Variants in POU2F2 observed in about 807,000 individuals in gnomAD.
The protein encoded by POU2F2 is POU domain, class 2, transcription factor 2.
In POU2F2, 14 loss-of-function variants were observed where a neutral mutation model predicts 63.5. The ratio of observed to expected loss-of-function variants is 0.22; its 90% confidence interval spans 0.15 to 0.34. The LOEUF is 0.34. Among genes scored for constraint, POU2F2 ranks in the 10% least tolerant of loss-of-function variants. The pLI is 1.00. For synonymous variants in POU2F2, 306 were observed against 348.6 expected, an observed-to-expected ratio of 0.88 and a Z score of 1.36; for missense variants, 607 against 815.2, an observed-to-expected ratio of 0.74 and a Z score of 3.11.
At chr19:42,184,571 A>G (rs2034994672) in intron 1 of POU2F2, among the ~76,000 whole-genome samples, 1 of 152,260 alleles carries the variant, frequency 6.6e-6, no homozygotes, top group Non-Finnish European at 1.5e-5. Context: ...GTCCAGGCCC[A>G]GCATGCCCTT....
upstream of POU2F2, among the ~76,000 whole-genome samples, chr19:42,135,909 C>A (rs2034001256): frequency 6.6e-6 from 1 of 152,036 alleles, no homozygotes; most frequent in African/African-American, 2.4e-5. Flanking sequence ...CAGGGTTTCA[C>A]CACATTGGCC....
chr19:42,133,587 TCA>T (rs2033906961), upstream of POU2F2: 1 of 154,382 alleles, frequency 6.5e-6, no homozygotes, highest in East Asian at 1.9e-4. This position sits in a 1 kb window ranked among gnomAD's most constrained non-coding sequence, Gnocchi z 5.1. Context: ...GGACTCACCC[TCA>T]CACACACAAG....
At chr19:42,188,376 A>G (rs1455005753) in intron 1 of POU2F2, among the ~76,000 whole-genome samples, 1 of 151,786 alleles carries the variant, frequency 6.6e-6, no homozygotes, top group East Asian at 1.9e-4. Flanking sequence ...CAAAAAAAAA[A>G]AAAGAAAAAA....
rs1218350190 is a variant in POU2F2 at position 42,087,670 on chromosome 19, TAGG to T, written c.*3584_*3586del. The T allele has an allele frequency of 6.0e-5, 9 of 150,506 alleles. No homozygotes were observed. Among genetic ancestry groups the T allele is most frequent in the Non-Finnish European group, 1.2e-4 (8 of 67,700 alleles). The allele number at this position is 150,506 out of a possible 1,614,324, so 9.3% of individuals were successfully genotyped here. A position where few individuals can be genotyped will look rare whatever the true frequency, so the allele number is the denominator to read the frequency against. On this transcript the variant is annotated 3_prime_UTR_variant, in exon 15 of 15. Transcript: ENST00000692977. ...ACCCAGTCTCTGTCCCTCCCTTAAG[TAGG>T]AGGTCAGGGTTGGGGAGAAGAGAAA...
rs1412223805 is a variant in POU2F2 at position 42,095,008 on chromosome 19, C to T, written c.1197+278G>A. Reference sequence around the variant, plus strand: ...GTGTGTTCTAACCTGGACCACGTCCCTGGACATATATCCCTTCCTGTGTGG... The same window carrying T: ...GTGTGTTCTAACCTGGACCACGTCCTTGGACATATATCCCTTCCTGTGTGG... On this transcript the variant is annotated intron_variant, in intron 11 of 14. Transcript: ENST00000692977. This position sits in a 1 kb window ranked among gnomAD's most constrained non-coding sequence, Gnocchi z 7.1. Among the ~76,000 whole-genome samples the T allele has an allele frequency of 2.0e-5, 3 of 152,202 alleles. No individual in the cohort carries two copies. Among genetic ancestry groups the T allele is most frequent in the Non-Finnish European group, 4.4e-5 (3 of 68,032 alleles).
upstream of POU2F2, among the ~76,000 whole-genome samples, chr19:42,176,657 C>T (rs1568425237): frequency 6.9e-6 from 1 of 145,894 alleles, no homozygotes; most frequent in South Asian, 2.5e-4. Context: ...TCCATCCCTG[C>T]CCCCCGCCCC....
At chr19:42,103,834 C>T (rs1044037553) in intron 5 of POU2F2, among the ~76,000 whole-genome samples, 3 of 151,766 alleles carry the variant, frequency 2.0e-5, no homozygotes, top group Non-Finnish European at 2.9e-5. Context: ...GAGGTTTCAC[C>T]GTGTTAGCCA....
In POU2F2 at chr19:42,093,884, T is replaced by C; in HGVS notation, c.1209A>G (p.Gln403=). 6.2e-7 allele frequency: 1 copy of C among 1,611,482 alleles called. No homozygotes were observed. The highest frequency in any genetic ancestry group is 8.5e-7 in the Non-Finnish European group (1 of 1,178,078). ...ACAACGGTAAGGTCCCCGCGCCCCC[T>C]TGGGGTGTGACCTGAGGAGAGAAGA... ...ASYSPHMVTP[Q]GGAGTLPLSQ... is the part of the protein sequence containing the mutation. Residue 403 remains glutamine (Q), a synonymous_variant, in exon 12 of 15, where the codon CAA becomes CAG. Coordinates refer to ENST00000692977, the MANE Select transcript of POU2F2 (RefSeq NM_001394376.1).
Position 42,148,387 on chromosome 19 carries a change from A to G in POU2F2, c.-9+11945T>C, listed in dbSNP as rs754958095. On this transcript the variant is annotated intron_variant, in intron 2 of 6. Transcript: ENST00000524801. ...ATAAGCAAGCATATAGCATGTGGGTAAATACGTGGGTCTGTACACGCCTTT... is the reference window on the plus strand; with the variant it reads ...ATAAGCAAGCATATAGCATGTGGGTGAATACGTGGGTCTGTACACGCCTTT... Among the ~76,000 whole-genome samples, 6 of 152,250 alleles carry G rather than the reference A, an allele frequency of 3.9e-5. No homozygotes were observed. In the East Asian group the frequency reaches 7.7e-4, roughly 20 times the overall value.
chr19:42,099,463 T>G, intron 7 of POU2F2, 64 bp downstream of exon 7: 1 of 1,431,812 alleles, frequency 7.0e-7, no homozygotes, highest in Non-Finnish European at 9.8e-7. Flanking sequence ...CCCACCCCCG[T>G]TTACCCAGCT....
At chr19:42,137,500 T>G (rs982398268) in intron 2 of POU2F2, among the ~76,000 whole-genome samples, 3 of 151,106 alleles carry the variant, frequency 2.0e-5, no homozygotes, top group African/African-American at 7.3e-5. Context: ...GGTGGGAGAG[T>G]TGCTTGACAC....
chr19:42,103,107 A>G (rs1053304716), intron 5 of POU2F2, among the ~76,000 whole-genome samples: 2 of 150,236 alleles, frequency 1.3e-5, no homozygotes, highest in Non-Finnish European at 3.0e-5. Context: ...GGGCAGTTCT[A>G]CTTCTGACAC....
At chr19:42,112,602 T>G (rs2031277668) in intron 5 of POU2F2, among the ~76,000 whole-genome samples, 1 of 151,966 alleles carries the variant, frequency 6.6e-6, no homozygotes, top group South Asian at 2.1e-4. Flanking sequence ...ACTCCTGACC[T>G]CAAGCGATCC....
In POU2F2 at chr19:42,126,626, C is replaced by A. The variant is rs959358738; in HGVS notation, c.29-4050G>T. On this transcript the variant is annotated intron_variant, in intron 1 of 14. Coordinates refer to ENST00000692977, the MANE Select transcript of POU2F2 (RefSeq NM_001394376.1). ...CCTCCGTAATTGTGAAAATGAATTT[C>A]TCTTATTTCAGCCACCTAGTCTGTG... 2.0e-5 allele frequency among the ~76,000 whole-genome samples: 3 copies of A among 152,268 alleles called. No homozygotes were observed. In the East Asian group the frequency reaches 5.8e-4, roughly 29 times the overall value.
intron 2 of POU2F2, among the ~76,000 whole-genome samples, chr19:42,148,361 C>G (rs2034273673): frequency 6.6e-6 from 1 of 152,204 alleles, no homozygotes. Flanking sequence ...CTGTTTCAGG[C>G]ATAAGCAAGC....
intron 1 of POU2F2, among the ~76,000 whole-genome samples, chr19:42,181,720 G>T (rs376023449): frequency 6.6e-6 from 1 of 152,156 alleles, no homozygotes; most frequent in East Asian, 1.9e-4. Context: ...CCGAGTAGCT[G>T]GGATTACAGG....
At chr19:42,193,444 G>A (rs887351646) in intron 1 of POU2F2, among the ~76,000 whole-genome samples, 2 of 152,288 alleles carry the variant, frequency 1.3e-5, no homozygotes, top group Middle Eastern at 3.4e-3. Context: ...AGACAGAAGA[G>A]GAGAAGGCAC....
chr19:42,150,627 G>A (rs1302678508), intron 2 of POU2F2, among the ~76,000 whole-genome samples: 1 of 147,744 alleles, frequency 6.8e-6, no homozygotes, highest in Non-Finnish European at 1.5e-5. Flanking sequence ...CAGGGCCCGA[G>A]CCGCCCTCCC....
chr19:42,169,998 G>A lies in POU2F2; in HGVS notation c.-70+5965C>T, dbSNP rs77639874. ...AGGCAGGCTGGGCCCTGAGGGGAGTGGTGGGGGAGGGGCTGGTCCCCACAG... is the reference window on the plus strand; with the variant it reads ...AGGCAGGCTGGGCCCTGAGGGGAGTAGTGGGGGAGGGGCTGGTCCCCACAG... On this transcript the variant is annotated intron_variant, in intron 1 of 6. Coordinates refer to the POU2F2 transcript ENST00000524801. This position sits in a 1 kb window ranked among gnomAD's most constrained non-coding sequence, Gnocchi z 4.3. 0.089 allele frequency among the ~76,000 whole-genome samples: 13,461 copies of A among 152,064 alleles called. 815 individuals are homozygous for A. Among genetic ancestry groups the A allele is most frequent in the Middle Eastern group, 0.19 (56 of 292 alleles).
Sources: allele counts gnomAD v4.1 joint callset (sites outside exome capture counted in the v4.1 genomes callset), GRCh38; gene constraint gnomAD v4.1.1; non-coding constraint Gnocchi (gnomAD v3.1); transcripts MANE v1.5; gene names NCBI Gene and HGNC (gene_info 2026-07-23, HGNC 2026-07-21).